Variants in PTCHD4 observed in about 807,000 individuals in gnomAD.
The protein encoded by PTCHD4 is patched domain containing 4.
Under a neutral mutation model 58.1 loss-of-function variants are expected in PTCHD4, and 33 were observed. That is an observed-to-expected ratio of 0.57 (90% CI 0.43 to 0.76). The LOEUF is 0.76. Among genes scored for constraint, PTCHD4 ranks in the 30% least tolerant of loss-of-function variants. The pLI is 0.00. For synonymous variants in PTCHD4, 478 were observed against 409.6 expected, an observed-to-expected ratio of 1.17 and a Z score of -2.02; for missense variants, 1,058 against 1,027.1, an observed-to-expected ratio of 1.03 and a Z score of -0.41.
intron 1 of PTCHD4, among the ~76,000 whole-genome samples, chr6:48,104,036 T>A (rs1334687458): frequency 6.6e-6 from 1 of 152,206 alleles, no homozygotes; most frequent in Non-Finnish European, 1.5e-5. Flanking sequence ...TGCAGGATAT[T>A]ATCCAGGAGA....
intron 3 of PTCHD4, among the ~76,000 whole-genome samples, chr6:48,020,350 A>G (rs1352706645): frequency 6.6e-6 from 1 of 152,152 alleles, no homozygotes; most frequent in East Asian, 1.9e-4. Flanking sequence ...CCAAAGAACC[A>G]CCACTTCTGG....
In PTCHD4 at chr6:47,870,363, C is replaced by T. The variant is rs996843292; in HGVS notation, c.*7940G>A. 7.9e-5 allele frequency among the ~76,000 whole-genome samples: 12 copies of T among 151,494 alleles called. No individual in the cohort carries two copies. Among genetic ancestry groups the T allele is most frequent in the African/African-American group, 1.4e-4 (6 of 41,390 alleles). On this transcript the variant is annotated 3_prime_UTR_variant, in exon 5 of 5. Transcript: ENST00000339488. Reference sequence around the variant, plus strand: ...CCAAAACATGAAAATAATGATGAACCGAACAAGGAAATATTTGGAACATAA... The same window carrying T: ...CCAAAACATGAAAATAATGATGAACTGAACAAGGAAATATTTGGAACATAA...
intron 4 of PTCHD4, among the ~76,000 whole-genome samples, chr6:47,888,043 A>G (rs910742569): frequency 2.0e-5 from 3 of 152,158 alleles, no homozygotes; most frequent in Admixed American, 2.0e-4. Context: ...CCATCCCAGT[A>G]CAGAATGAGT....
Position 47,864,315 on chromosome 6 carries a change from T to TATACACACACAC in PTCHD4, c.*13987_*13988insGTGTGTGTGTAT, listed in dbSNP as rs142961548. On this transcript the variant is annotated 3_prime_UTR_variant, in exon 5 of 5. Transcript: ENST00000339488. ...GCCCATTATTTTTGAGATATATATA[T>TATACACACACAC]ACACACACACACACATATATATATA... Among the ~76,000 whole-genome samples, 7 of 148,784 alleles carry TATACACACACAC rather than the reference T, an allele frequency of 4.7e-5. No homozygotes were observed. The highest frequency in any genetic ancestry group is 1.2e-4 in the African/African-American group (5 of 40,622).
At chr6:48,024,634 G>T (rs1763180325) in intron 3 of PTCHD4, among the ~76,000 whole-genome samples, 1 of 152,134 alleles carries the variant, frequency 6.6e-6, no homozygotes, top group South Asian at 2.1e-4. Context: ...GGGACTTAGA[G>T]TCAGGCCTCG....
At position 48,003,433 on chromosome 6, in the gene PTCHD4, C is replaced by G. The variant is rs138846923; in HGVS notation, c.898+5201G>C. 7.3e-3 allele frequency among the ~76,000 whole-genome samples: 1,109 copies of G among 152,242 alleles called. 12 individuals carry two copies. Among genetic ancestry groups the G allele is most frequent in the African/African-American group, 0.025 (1,057 of 41,540 alleles). On this transcript the variant is annotated intron_variant, in intron 4 of 4. Transcript: ENST00000339488. ...GGTCATCATTGACAATTCTTTTTCT[C>G]TTACATGCCATATCTAGTCCCTCAC...
At chr6:48,035,805 G>T (rs1049462561) in intron 3 of PTCHD4, among the ~76,000 whole-genome samples, 4 of 152,140 alleles carry the variant, frequency 2.6e-5, no homozygotes, top group African/African-American at 9.7e-5. Flanking sequence ...AGTTTAGCCA[G>T]AATCTCCCTT....
intron 4 of PTCHD4, among the ~76,000 whole-genome samples, chr6:47,987,772 A>T (rs1164146833): frequency 6.6e-6 from 1 of 151,516 alleles, no homozygotes; most frequent in African/African-American, 2.4e-5. Flanking sequence ...ACTCTCAGTC[A>T]CATAACATTT....
rs997363492 is a variant in PTCHD4 at position 47,869,368 on chromosome 6, A to C, written c.*8935T>G. ...TGTCTCCATCTTCTGCAGCTCTCAT[A>C]TGGTGAGAAAAATGTTGGTTCAAGT... On this transcript the variant is annotated 3_prime_UTR_variant, in exon 5 of 5. Transcript: ENST00000339488. Among the ~76,000 whole-genome samples, 1 of 151,704 alleles carries C rather than the reference A, an allele frequency of 6.6e-6. No individual in the cohort carries two copies. Among genetic ancestry groups the C allele is most frequent in the Admixed American group, 6.6e-5 (1 of 15,188 alleles).
intron 3 of PTCHD4, among the ~76,000 whole-genome samples, chr6:48,052,409 C>A (rs180829134): frequency 6.6e-6 from 1 of 151,404 alleles, no homozygotes; most frequent in African/African-American, 2.4e-5. Flanking sequence ...AAATAGCAAT[C>A]GCTTGTTTTA....
rs1368466571 is a variant in PTCHD4, at chr6:47,860,033, T to C, written c.*18270A>G. 2.6e-5 allele frequency among the ~76,000 whole-genome samples: 4 copies of C among 152,064 alleles called. 1 individual carries two copies. Among genetic ancestry groups the C allele is most frequent in the African/African-American group, 4.8e-5 (2 of 41,436 alleles). On this transcript the variant is annotated 3_prime_UTR_variant, in exon 5 of 5. Coordinates refer to ENST00000339488, the MANE Select transcript of PTCHD4 (RefSeq NM_001384253.1). ...AAGTTAATGTCTGTGAAGAGATGGT[T>C]CTTTTGTTTAGGCAGATAAAATGCC...
rs562554467 is a variant in PTCHD4 at position 47,867,707 on chromosome 6, T to C, written c.*10596A>G. Among the ~76,000 whole-genome samples the C allele has an allele frequency of 1.4e-4, 21 of 151,882 alleles. No homozygotes were observed. The highest frequency in any genetic ancestry group is 5.1e-4 in the African/African-American group (21 of 41,494). ...CTGTTGAGCCCATCCTCCATCTCTATCTATTAGAATCTTACCCACACTTCA... is the reference window on the plus strand; with the variant it reads ...CTGTTGAGCCCATCCTCCATCTCTACCTATTAGAATCTTACCCACACTTCA... On this transcript the variant is annotated 3_prime_UTR_variant, in exon 5 of 5. Transcript: ENST00000339488.
intron 1 of PTCHD4, among the ~76,000 whole-genome samples, chr6:48,091,793 G>A (rs1205981823): frequency 3.3e-5 from 5 of 151,786 alleles, no homozygotes; most frequent in African/African-American, 7.3e-5. Flanking sequence ...TTAAAGGCCC[G>A]TGCCACCATG....
intron 1 of PTCHD4, among the ~76,000 whole-genome samples, chr6:48,087,116 CTA>C (rs1765280525): frequency 6.6e-6 from 1 of 152,172 alleles, no homozygotes; most frequent in African/African-American, 2.4e-5. Flanking sequence ...TTTTCTATGC[CTA>C]TGTCTTTGTC....
rs1016253165 is a variant in PTCHD4, at chr6:48,069,798, C to A, written c.-841G>T. ...GAAAGTTCCTAAAGCTGATTTCAGT[C>A]CCCTTTTCCAGTGTCTCCTTCCACC... On this transcript the variant is annotated 5_prime_UTR_variant, in exon 2 of 5. Transcript: ENST00000339488. 1.3e-5 allele frequency among the ~76,000 whole-genome samples: 2 copies of A among 152,154 alleles called. No individual in the cohort carries two copies. Among genetic ancestry groups the A allele is most frequent in the African/African-American group, 4.8e-5 (2 of 41,416 alleles).
intron 4 of PTCHD4, among the ~76,000 whole-genome samples, chr6:47,926,634 ATTATT>A: frequency 6.6e-6 from 1 of 152,322 alleles, no homozygotes; most frequent in East Asian, 1.9e-4. Flanking sequence ...TTTTGATTCT[ATTATT>A]TTATTTCATA....
intron 4 of PTCHD4, among the ~76,000 whole-genome samples, chr6:47,928,113 A>G (rs150048673): frequency 1.3e-5 from 2 of 152,282 alleles, no homozygotes; most frequent in African/African-American, 4.8e-5. Flanking sequence ...TCCTTCATCC[A>G]GTGGCTTTGT....
At chr6:47,979,071 A>G (rs1767792239) in intron 4 of PTCHD4, among the ~76,000 whole-genome samples, 1 of 152,154 alleles carries the variant, frequency 6.6e-6, no homozygotes, top group Non-Finnish European at 1.5e-5. Context: ...GAAGCCTTCT[A>G]CCAAAGCTTA....
At chr6:48,101,469 C>A (rs1765600984) in intron 1 of PTCHD4, among the ~76,000 whole-genome samples, 1 of 152,124 alleles carries the variant, frequency 6.6e-6, no homozygotes, top group South Asian at 2.1e-4. Flanking sequence ...TCTCAGAAAT[C>A]ATCAGGTCAA....
Sources: allele counts gnomAD v4.1 joint callset (sites outside exome capture counted in the v4.1 genomes callset), GRCh38; gene constraint gnomAD v4.1.1; transcripts MANE v1.5; gene names NCBI Gene and HGNC (gene_info 2026-07-23, HGNC 2026-07-21).